The following GRIA4 variants were observed in gnomAD, a reference collection of about 807,000 sequenced individuals.
GRIA4 encodes the protein glutamate ionotropic receptor AMPA type subunit 4.
In GRIA4, 34 loss-of-function variants were observed where a neutral mutation model predicts 104.0. The ratio of observed to expected loss-of-function variants is 0.33; its 90% CI spans 0.25 to 0.44. The LOEUF (loss-of-function observed/expected upper bound fraction) is 0.44, where lower values mean the gene tolerates loss of function less well. Among genes scored for constraint, GRIA4 ranks in the 20% least tolerant of loss-of-function variants. The pLI is 1.00. For missense variants in GRIA4, 750 were observed against 1,096.5 expected (o/e 0.68, Z 4.46); for synonymous variants, 386 against 381.9 (o/e 1.01, Z -0.13).
intron 3 of GRIA4, among the ~76,000 whole-genome samples, chr11:105,725,920 G>A (rs938751370): frequency 6.6e-6 from 1 of 152,130 alleles, no homozygotes; most frequent in Non-Finnish European, 1.5e-5. Context: ...ATTCCCTCGG[G>A]TGCCTACACT....
intron 3 of GRIA4, among the ~76,000 whole-genome samples, chr11:105,661,443 G>T (rs1343810856): frequency 1.3e-5 from 2 of 151,460 alleles, no homozygotes; most frequent in Non-Finnish European, 3.0e-5. Context: ...GCCCTTATTT[G>T]GATTTTGATT....
intron 3 of GRIA4, among the ~76,000 whole-genome samples, chr11:105,705,174 C>A (rs1423721425): frequency 2.0e-5 from 3 of 152,022 alleles, no homozygotes; most frequent in African/African-American, 7.2e-5. Flanking sequence ...CAAAGAGAGA[C>A]TTTTTAATTA....
At chr11:105,966,789 A>G (rs975955184) in intron 14 of GRIA4, among the ~76,000 whole-genome samples, 2 of 152,176 alleles carry the variant, frequency 1.3e-5, no homozygotes, top group African/African-American at 4.8e-5. Flanking sequence ...TCTTCACTAT[A>G]TATCAGTATT....
At chr11:105,722,425 T>C (rs1211676700) in intron 3 of GRIA4, among the ~76,000 whole-genome samples, 1 of 152,160 alleles carries the variant, frequency 6.6e-6, no homozygotes, top group Non-Finnish European at 1.5e-5. Context: ...TTTGTTCTAC[T>C]TATAATCGGT....
rs190941885 is a variant in GRIA4, at chr11:105,619,826, T to A, written c.247+7392T>A. 9.2e-5 allele frequency among the ~76,000 whole-genome samples: 14 copies of A among 151,974 alleles called. No individual in the cohort carries two copies. In the East Asian group the frequency reaches 2.3e-3, roughly 25 times the overall value. The stretch of plus-strand genomic sequence containing the variant: ...CACATAAATTAGATGAACAAACAGC[T>A]CTTCATTCCCTATCTTCATCATTTT... On this transcript the variant is annotated intron_variant, in intron 3 of 16. Coordinates refer to ENST00000282499, the MANE Select transcript of GRIA4 (RefSeq NM_000829.4).
intron 14 of GRIA4, among the ~76,000 whole-genome samples, chr11:105,941,480 T>C (rs1405604275): frequency 6.6e-6 from 1 of 152,138 alleles, no homozygotes; most frequent in African/African-American, 2.4e-5. Context: ...GAGAAAACTA[T>C]CATTTTAAAT....
At chr11:105,706,357 C>T (rs1953698896) in intron 3 of GRIA4, 1 of 152,638 alleles carries the variant, frequency 6.6e-6, no homozygotes, top group African/African-American at 2.4e-5. Flanking sequence ...GCCCTGGTTC[C>T]TCATCTCAAC....
chr11:105,675,668 C>A lies in GRIA4; in HGVS notation c.247+63234C>A, dbSNP rs539277929. 2.6e-5 allele frequency among the ~76,000 whole-genome samples: 4 copies of A among 151,870 alleles called. No homozygotes were observed. The South Asian group carries it at 8.3e-4, about 32-fold the overall frequency. On this transcript the variant is annotated intron_variant, in intron 3 of 16. Transcript: ENST00000282499. ...AGTTACTCTCAGTGTTTCCTATAAT[C>A]TTGAAATCAGAAAACCATGTCTCTG... is the stretch of plus-strand genomic sequence containing the variant.
intron 16 of GRIA4, among the ~76,000 whole-genome samples, chr11:105,977,353 G>A (rs1284417848): frequency 1.3e-5 from 2 of 151,860 alleles, no homozygotes; most frequent in African/African-American, 4.8e-5. Context: ...AGAGGTGAGT[G>A]GTTTGGAGAC....
chr11:105,721,862 T>C (rs1227476191), intron 3 of GRIA4, among the ~76,000 whole-genome samples: 1 of 152,108 alleles, frequency 6.6e-6, no homozygotes. Flanking sequence ...ACTGTTTGCT[T>C]TTTGTAGAAA....
intron 3 of GRIA4, among the ~76,000 whole-genome samples, chr11:105,704,782 A>G (rs2135531808): frequency 6.6e-6 from 1 of 152,292 alleles, no homozygotes; most frequent in South Asian, 2.1e-4. Context: ...CGAATAAGTG[A>G]GAAGACATCC....
intron 15 of GRIA4, among the ~76,000 whole-genome samples, chr11:105,973,849 C>T (rs953666223): frequency 1.3e-5 from 2 of 152,048 alleles, no homozygotes; most frequent in African/African-American, 2.4e-5. Flanking sequence ...CTAGGAAATG[C>T]GGAGTTGGAT....
chr11:105,750,664 A>G (rs1939945498), intron 3 of GRIA4, among the ~76,000 whole-genome samples: 1 of 152,200 alleles, frequency 6.6e-6, no homozygotes, highest in Non-Finnish European at 1.5e-5. Flanking sequence ...CAATGAAAAC[A>G]ATATAATAGG....
chr11:105,937,201 T>C (rs1038870055), intron 14 of GRIA4, among the ~76,000 whole-genome samples: 1 of 152,170 alleles, frequency 6.6e-6, no homozygotes, highest in Admixed American at 6.6e-5. Context: ...GGCATTGCAA[T>C]GGAATGTAAA....
At chr11:105,869,069 A>C (rs748555366) in intron 5 of GRIA4, among the ~76,000 whole-genome samples, 7 of 152,200 alleles carry the variant, frequency 4.6e-5, no homozygotes, top group Non-Finnish European at 1.0e-4. Context: ...TGGGGGTTAG[A>C]AAGGGGTGTC....
At chr11:105,773,273 C>G (rs1300553035) in intron 4 of GRIA4, among the ~76,000 whole-genome samples, 1 of 151,968 alleles carries the variant, frequency 6.6e-6, no homozygotes, top group African/African-American at 2.4e-5. Flanking sequence ...CTAAAAGAAA[C>G]ATAGCAATGG....
Position 105,747,566 on chromosome 11 carries a change from T to G in GRIA4, c.248-5415T>G, listed in dbSNP as rs1423836803. On this transcript the variant is annotated intron_variant, in intron 3 of 16. Coordinates refer to ENST00000282499, the MANE Select transcript of GRIA4 (RefSeq NM_000829.4). ...GGAGATATTTACTAAAATCAGAATTTTATGTCAAGTATGAATATAAAACAA... is the reference window on the plus strand; with the variant it reads ...GGAGATATTTACTAAAATCAGAATTGTATGTCAAGTATGAATATAAAACAA... Among the ~76,000 whole-genome samples, 4 of 152,118 alleles carry G rather than the reference T, an allele frequency of 2.6e-5. No individual in the cohort carries two copies. In the East Asian group the frequency reaches 5.8e-4, roughly 22 times the overall value.
At chr11:105,650,251 C>A (rs1951647431) in intron 3 of GRIA4, among the ~76,000 whole-genome samples, 1 of 152,068 alleles carries the variant, frequency 6.6e-6, no homozygotes, top group African/African-American at 2.4e-5. Flanking sequence ...GGGGTTCATC[C>A]AGTCTTCATT....
Position 105,720,785 on chromosome 11 carries a change from C to T in GRIA4, c.248-32196C>T, listed in dbSNP as rs1937752117. Among the ~76,000 whole-genome samples the T allele has an allele frequency of 2.6e-5, 4 of 152,276 alleles. No homozygotes were observed. The South Asian group carries it at 8.3e-4, about 32-fold the overall frequency. Reference sequence around the variant, plus strand: ...AACCTGTCATATCACAGAGAAACTGCAGGATTGTGCAGCATCACAGATTCA... The same window carrying T: ...AACCTGTCATATCACAGAGAAACTGTAGGATTGTGCAGCATCACAGATTCA... On this transcript the variant is annotated intron_variant, in intron 3 of 16. Transcript: ENST00000282499.
Sources: gnomAD v4.1 joint callset for allele counts (sites outside exome capture counted in the v4.1 genomes callset) on GRCh38, gnomAD v4.1.1 for gene constraint, MANE v1.5 for transcripts, NCBI Gene and HGNC (gene_info 2026-07-23, HGNC 2026-07-21) for gene names.